Variants in VRTN observed in about 807,000 individuals in gnomAD.
VRTN encodes vertebrae development associated.
VRTN carries 5 observed loss-of-function variants against 18.2 expected under a neutral mutation model. The ratio of observed to expected loss-of-function variants is 0.27; its 90% confidence interval spans 0.14 to 0.58. VRTN has a LOEUF of 0.58. Ranked by LOEUF, VRTN falls within the 20% of genes least tolerant of loss-of-function variation. The pLI is 0.91. For missense variants in VRTN, 741 were observed against 939.4 expected (o/e 0.79, Z 2.76); for synonymous variants, 381 against 393.7 (o/e 0.97, Z 0.38).
intron 1 of VRTN, among the ~76,000 whole-genome samples, chr14:74,319,799 A>C (rs1276504959): frequency 6.6e-6 from 1 of 152,210 alleles, no homozygotes; most frequent in East Asian, 1.9e-4. Flanking sequence ...GGTTGACTGT[A>C]GATTGAGAAG....
chr14:74,355,833 C>CT lies in VRTN; in HGVS notation c.-1-937dup, dbSNP rs75088178. On this transcript the variant is annotated intron_variant, in intron 1 of 1. Transcript: ENST00000256362. ...ATGAGCCACTGCACCTGGCCTCTCT[C>CT]TTTTTTTTTTTTTCTGAGACAGAGT... 3.1e-3 allele frequency among the ~76,000 whole-genome samples: 454 copies of CT among 145,016 alleles called. 2 individuals carry two copies. The highest frequency in any genetic ancestry group is 7.1e-3 in the Middle Eastern group (2 of 280).
In VRTN at chr14:74,357,803, G is replaced by T; in HGVS notation, c.1020G>T (p.Pro340=). 1 of 1,613,104 alleles carries T rather than the reference G, an allele frequency of 6.2e-7. No individual in the cohort carries two copies. The change falls in exon 2 of 2, where the codon CCG becomes CCT. Residue 340 remains proline, a synonymous_variant. Transcript: ENST00000256362. The surrounding 1 kb of genome is among the most constrained non-coding windows in gnomAD (Gnocchi z 7.8). ...TTCAGCAGTTCCTCCAGCGGTTCCC[G>T]GAGATCTCCCGCTCAACCTACTATG... is the stretch of plus-strand genomic sequence containing the variant. ...VPLQQFLQRF[P]EISRSTYYAW...
At chr14:74,333,755 G>A (rs895934442) in intron 1 of VRTN, among the ~76,000 whole-genome samples, 9 of 149,172 alleles carry the variant, frequency 6.0e-5, no homozygotes, top group Non-Finnish European at 1.2e-4. Flanking sequence ...TAGGAGAATC[G>A]CTTGAACCCG....
intron 1 of VRTN, among the ~76,000 whole-genome samples, chr14:74,334,044 T>C (rs1386703498): frequency 6.6e-6 from 1 of 152,096 alleles, no homozygotes; most frequent in Non-Finnish European, 1.5e-5. Context: ...TTAAGCAACT[T>C]GCCCAAGTTC....
At position 74,357,572 on chromosome 14, in the gene VRTN, A is replaced by G; in HGVS notation, c.789A>G (p.Pro263=). The G allele has an allele frequency of 6.2e-7, 1 of 1,613,384 alleles. No individual in the cohort carries two copies. Among genetic ancestry groups the G allele is most frequent in the Non-Finnish European group, 8.5e-7 (1 of 1,179,880 alleles). ...CCCCAGCTCTTCCAGCCCTGGCCCC[A>G]CTCTCATCGCCGGCCAAGACCCTGG... is the stretch of plus-strand genomic sequence containing the variant. The part of the protein sequence containing the change: ...GVAPALPALA[P]LSSPAKTLEL... Residue 263 remains proline (P), a synonymous_variant, in exon 2 of 2, where the codon CCA becomes CCG. Transcript: ENST00000256362. The surrounding 1 kb of genome is among the most constrained non-coding windows in gnomAD (Gnocchi z 7.8).
At chr14:74,344,126 C>T (rs919684512), upstream of VRTN, among the ~76,000 whole-genome samples, 6 of 150,542 alleles carry the variant, frequency 4.0e-5, no homozygotes, top group Non-Finnish European at 7.4e-5. Context: ...ATGTGTTTAC[C>T]GGCTGGGCAT....
At chr14:74,324,387 C>A (rs1161004837) in intron 1 of VRTN, among the ~76,000 whole-genome samples, 829 of 72,958 alleles carry the variant, frequency 0.011, no homozygotes, top group East Asian at 0.015. Flanking sequence ...GACTCTGACT[C>A]AAAAAAAAAA....
chr14:74,331,425 A>T (rs2085522486), intron 1 of VRTN, among the ~76,000 whole-genome samples: 1 of 149,964 alleles, frequency 6.7e-6, no homozygotes, highest in Non-Finnish European at 1.5e-5. Flanking sequence ...GCTACTCAGG[A>T]GGTTGAGGTA....
chr14:74,349,930 C>T (rs933653278), intron 1 of VRTN, among the ~76,000 whole-genome samples: 1 of 152,138 alleles, frequency 6.6e-6, no homozygotes, highest in Non-Finnish European at 1.5e-5. Context: ...TGTGCAATCC[C>T]GAGTGTGCCT....
intron 1 of VRTN, among the ~76,000 whole-genome samples, chr14:74,310,286 A>G (rs557793726): frequency 6.6e-6 from 1 of 151,052 alleles, no homozygotes; most frequent in Non-Finnish European, 1.5e-5. Flanking sequence ...AGTCCCAGCT[A>G]CTCGGGAGAC....
intron 1 of VRTN, among the ~76,000 whole-genome samples, chr14:74,304,666 C>T (rs76500187): frequency 3.4e-3 from 518 of 152,186 alleles, no homozygotes; most frequent in African/African-American, 0.012. Context: ...CTAAACATTG[C>T]CAAATGTCCC....
In VRTN at chr14:74,324,387, C is replaced by CA. The variant is rs34158619; in HGVS notation, c.-163-13315dup. 9.7e-3 allele frequency among the ~76,000 whole-genome samples: 708 copies of CA among 73,186 alleles called. 16 individuals are homozygous for CA. The highest frequency in any genetic ancestry group is 0.029 in the African/African-American group (607 of 20,874). 48.0% of individuals were successfully genotyped at this position (73,186 alleles called of 152,430 possible). A position where few individuals can be genotyped will look rare whatever the true frequency, so the allele number is the denominator to read the frequency against. On this transcript the variant is annotated intron_variant, in intron 1 of 2. Transcript: ENST00000557177. ...TGGGTGACAGAGTGAGACTCTGACT[C>CA]AAAAAAAAAAAAAAAAAAAAAGAAG...
At chr14:74,352,211 A>G (rs1348314880) in intron 1 of VRTN, among the ~76,000 whole-genome samples, 2 of 144,642 alleles carry the variant, frequency 1.4e-5, no homozygotes, top group African/African-American at 5.1e-5. Context: ...ATGGAGTCTC[A>G]CTCTGTCACC....
Position 74,358,070 on chromosome 14 carries a change from T to G in VRTN, c.1287T>G (p.Pro429=). Residue 429 remains proline (P), a synonymous_variant, in exon 2 of 2, where the codon CCT becomes CCG. Transcript: ENST00000256362. This position sits in a 1 kb window ranked among gnomAD's most constrained non-coding sequence, Gnocchi z 5.4. ...VPYRCFKRRF[P]GISRSTYYNW... ...ATCGCTGCTTCAAACGCAGGTTCCC[T>G]GGCATCTCACGGTCCACTTATTATA... 1 of 1,614,222 alleles carries G rather than the reference T, an allele frequency of 6.2e-7. No homozygotes were observed. The highest frequency in any genetic ancestry group is 1.7e-5 in the Admixed American group (1 of 60,032).
intron 1 of VRTN, among the ~76,000 whole-genome samples, chr14:74,323,311 C>T (rs905241509): frequency 2.6e-5 from 4 of 151,996 alleles, no homozygotes; most frequent in East Asian, 1.9e-4. Flanking sequence ...TGGCTGGGGG[C>T]GGTGGCTCAT....
chr14:74,341,269 A>C (rs1036056154), intron 2 of VRTN, among the ~76,000 whole-genome samples: 1 of 152,190 alleles, frequency 6.6e-6, no homozygotes, highest in Non-Finnish European at 1.5e-5. Flanking sequence ...ATTTTCTAAG[A>C]GAGCAATTAG....
At chr14:74,306,881 C>A (rs148723841) in intron 1 of VRTN, among the ~76,000 whole-genome samples, 2 of 152,014 alleles carry the variant, frequency 1.3e-5, no homozygotes, top group African/African-American at 4.8e-5. Flanking sequence ...GTTAGGATTA[C>A]AGGGCGGAGC....
At chr14:74,319,931 A>C (rs142340134) in intron 1 of VRTN, among the ~76,000 whole-genome samples, 55 of 152,322 alleles carry the variant, frequency 3.6e-4, no homozygotes, top group African/African-American at 1.3e-3. Context: ...TTGTCCTGAA[A>C]GCCAAAGAAT....
At chr14:74,341,933 A>C (rs2085607701) in intron 2 of VRTN, among the ~76,000 whole-genome samples, 1 of 152,182 alleles carries the variant, frequency 6.6e-6, no homozygotes, top group Non-Finnish European at 1.5e-5. Context: ...AAGCTGGTTT[A>C]GTTATTGCTG....
Sources: gnomAD v4.1 joint callset for allele counts (sites outside exome capture counted in the v4.1 genomes callset) on GRCh38, gnomAD v4.1.1 for gene constraint, Gnocchi (gnomAD v3.1) non-coding constraint, MANE v1.5 for transcripts, NCBI Gene and HGNC (gene_info 2026-07-23, HGNC 2026-07-21) for gene names.